The following LARS1 variants were observed in gnomAD, a reference collection of about 807,000 sequenced individuals.
LARS1 encodes leucyl-tRNA synthetase 1.
Under a neutral mutation model 162.8 loss-of-function variants are expected in LARS1, and 100 were observed. That is an observed-to-expected ratio of 0.61 (90% CI 0.52 to 0.73). The LOEUF is 0.73. LARS1 is among the 30% of genes least tolerant of loss of function. LARS1 has a pLI of 0.00. For missense variants in LARS1, 1,258 were observed against 1,408.9 expected (o/e 0.89, Z 1.71); for synonymous variants, 457 against 462.8 (o/e 0.99, Z 0.16).
chr5:146,150,942 G>C (rs865962311), intron 14 of LARS1, among the ~76,000 whole-genome samples: 8 of 134,808 alleles, frequency 5.9e-5, no homozygotes, highest in African/African-American at 2.3e-4. Context: ...CCGTCAGATA[G>C]ACACACACAC....
rs760089772 is a variant in LARS1, at chr5:146,177,675, A to C, written c.7-10T>G. On this transcript the variant is annotated splice_polypyrimidine_tract_variant and intron_variant, in intron 1 of 31. Transcript: ENST00000394434. ...CTGTTCCTTTTCTTTCCTATTGGAC[A>C]CAAAGAGAATAATCCACTCTGTATT... 1.1e-5 allele frequency: 15 copies of C among 1,423,452 alleles called. No homozygotes were observed. Among genetic ancestry groups the C allele is most frequent in the Non-Finnish European group, 9.8e-7 (1 of 1,015,420 alleles). 88.2% of individuals were successfully genotyped at this position (1,423,452 alleles called of 1,614,324 possible).
At chr5:146,142,273 T>A (rs1469012477) in intron 20 of LARS1, among the ~76,000 whole-genome samples, 1 of 140,458 alleles carries the variant, frequency 7.1e-6, no homozygotes, top group Non-Finnish European at 1.6e-5. Context: ...GGACTCTGTC[T>A]CAAAAAAAAA....
intron 14 of LARS1, among the ~76,000 whole-genome samples, chr5:146,150,853 C>T (rs914983884): frequency 3.3e-5 from 5 of 151,328 alleles, no homozygotes; most frequent in Non-Finnish European, 5.9e-5. Flanking sequence ...GCAGGAGAAT[C>T]GCTTGAACCC....
chr5:146,151,466 C>T (rs1753286354), intron 14 of LARS1, among the ~76,000 whole-genome samples: 1 of 152,052 alleles, frequency 6.6e-6, no homozygotes, highest in Middle Eastern at 3.2e-3. Context: ...ATTTAGTAGA[C>T]ATTAATAAAT....
intron 4 of LARS1, among the ~76,000 whole-genome samples, chr5:146,169,011 A>G (rs1189085047): frequency 6.6e-6 from 1 of 152,116 alleles, no homozygotes; most frequent in African/African-American, 2.4e-5. Flanking sequence ...ACATGTATAC[A>G]CATGTAACAA....
rs1459817589 is a variant in LARS1, at chr5:146,142,988, T to C, written c.1974A>G (p.Leu658=). The change falls in exon 20 of 32, where the codon TTA becomes TTG. Residue 658 remains leucine, a synonymous_variant. Transcript: ENST00000394434. ...GATACCAGAATTCAAACTCCTGCTTTAACTGATCTAATTTTTCCTTTGCAA... is the reference window on the plus strand; with the variant it reads ...GATACCAGAATTCAAACTCCTGCTTCAACTGATCTAATTTTTCCTTTGCAA... ...TQIAKEKLDQ[L]KQEFEFWYPV... is the part of the protein sequence containing the mutation. 6.2e-7 allele frequency: 1 copy of C among 1,613,910 alleles called. No homozygotes were observed. Among genetic ancestry groups the C allele is most frequent in the East Asian group, 2.2e-5 (1 of 44,872 alleles).
Position 146,133,432 on chromosome 5 carries a change from T to C in LARS1, c.2213-351A>G, listed in dbSNP as rs562487462. Among the ~76,000 whole-genome samples the C allele has an allele frequency of 3.3e-5, 5 of 152,282 alleles. No individual in the cohort carries two copies. The South Asian group carries it at 8.3e-4, about 25-fold the overall frequency. The stretch of plus-strand genomic sequence containing the variant: ...TTTCATTGTGGTTTTCTTATCAACA[T>C]TTCAGCCTCATTTAGAGGTAGCAAA... On this transcript the variant is annotated intron_variant, in intron 22 of 31. Coordinates refer to ENST00000394434, the MANE Select transcript of LARS1 (RefSeq NM_020117.11).
chr5:146,171,862 T>C, intron 4 of LARS1, 48 bp downstream of exon 4: 2 of 1,401,296 alleles, frequency 1.4e-6, no homozygotes, highest in Non-Finnish European at 2.0e-6. Context: ...GGTATTACTA[T>C]TTGCTCCAAC....
chr5:146,121,036 G>A (rs1236433666), intron 30 of LARS1, among the ~76,000 whole-genome samples: 1 of 152,112 alleles, frequency 6.6e-6, no homozygotes, highest in Non-Finnish European at 1.5e-5. Context: ...TCTTGTGAAA[G>A]ACTTAAATAC....
In LARS1 at chr5:146,113,947, AGAT is replaced by A; in HGVS notation, c.*156_*158del. 1 of 625,596 alleles carries A rather than the reference AGAT, an allele frequency of 1.6e-6. No homozygotes were observed. The highest frequency in any genetic ancestry group is 2.8e-6 in the Non-Finnish European group (1 of 358,896). 38.8% of individuals were successfully genotyped at this position (625,596 alleles called of 1,614,324 possible). The stretch of plus-strand genomic sequence containing the variant: ...AAAATTTATTAGGTCCAGGAATCAA[AGAT>A]GACTTGATAGAATTATGAATACATG... On this transcript the variant is annotated 3_prime_UTR_variant, in exon 32 of 32. Transcript: ENST00000394434.
chr5:146,114,391 A>G (rs949249045), intron 31 of LARS1, 80 bp from the exon 32 acceptor site: 9 of 1,098,498 alleles, frequency 8.2e-6, no homozygotes, highest in Middle Eastern at 2.1e-4. Context: ...CTCACGTTTT[A>G]AATACGCTGG....
chr5:146,158,605 T>C (rs1223221870), intron 8 of LARS1, among the ~76,000 whole-genome samples: 3 of 152,210 alleles, frequency 2.0e-5, no homozygotes, highest in Non-Finnish European at 4.4e-5. Context: ...AATGAACTTC[T>C]AGGCATGGCT....
rs777771968 is a variant in LARS1 at position 146,143,565 on chromosome 5, G to GTT, written c.1739-16_1739-15insAA. 5 of 1,611,106 alleles carry GTT rather than the reference G, an allele frequency of 3.1e-6. No homozygotes were observed. The African/African-American group carries it at 6.7e-5, about 22-fold the overall frequency. ...CAGGTGAGTGCCTGAAAAATAAAAA[G>GTT]TAACGCATGAGGAACCTGAGAGACA... On this transcript the variant is annotated splice_polypyrimidine_tract_variant and intron_variant, in intron 18 of 31. Coordinates refer to ENST00000394434, the MANE Select transcript of LARS1 (RefSeq NM_020117.11).
At chr5:146,122,752 G>C (rs1751882488) in intron 29 of LARS1, among the ~76,000 whole-genome samples, 165 bp from the exon 30 acceptor site, 1 of 151,880 alleles carries the variant, frequency 6.6e-6, no homozygotes, top group South Asian at 2.1e-4. Flanking sequence ...TCTGTAATCA[G>C]TTATTTAACA....
chr5:146,182,558 T>C lies in LARS1; in HGVS notation c.-65A>G, dbSNP rs1316117635. The C allele has an allele frequency of 2.5e-5, 41 of 1,609,438 alleles. No homozygotes were observed. The highest frequency in any genetic ancestry group is 3.3e-4 in the Middle Eastern group (2 of 6,072). On this transcript the variant is annotated 5_prime_UTR_variant, in exon 1 of 32. Transcript: ENST00000394434. ...CCTGGCGACCTCCACAAAGGAGTGGTTACCTTTCCCCTCCCTCTCGGGGAT... is the reference window on the plus strand; with the variant it reads ...CCTGGCGACCTCCACAAAGGAGTGGCTACCTTTCCCCTCCCTCTCGGGGAT...
At position 146,114,261 on chromosome 5, in the gene LARS1, G is replaced by A. The variant is rs754575541; in HGVS notation, c.3376C>T (p.Arg1126Ter). Reference sequence around the variant, plus strand: ...TCCTTTCCCAGGACAGGAACTCGTCGAGGCCCCAACAGTGGATCATCAAAT... The same window carrying A: ...TCCTTTCCCAGGACAGGAACTCGTCAAGGCCCCAACAGTGGATCATCAAAT... Reference protein sequence around the residue: ...MRFDDPLLGPRRVPVLGKEYT... With the variant: ...MRFDDPLLGP The change falls in exon 32 of 32, where the codon CGA becomes TGA. Residue 1126 changes from arginine to a stop codon, truncating the protein, a stop_gained. Transcript: ENST00000394434. LOFTEE classifies it high-confidence loss of function. 4 of 1,613,612 alleles carry A rather than the reference G, an allele frequency of 2.5e-6. No individual in the cohort carries two copies. Among genetic ancestry groups the A allele is most frequent in the East Asian group, 2.2e-5 (1 of 44,878 alleles).
At chr5:146,154,030 A>G (rs1753413618) in intron 10 of LARS1, 50 bp from the exon 11 acceptor site, 1 of 1,274,204 alleles carries the variant, frequency 7.8e-7, no homozygotes, top group African/African-American at 1.5e-5. Context: ...CATTGTGACC[A>G]TTAGAATTAA....
chr5:146,113,968 A>C lies in LARS1; in HGVS notation c.*138T>G. On this transcript the variant is annotated 3_prime_UTR_variant, in exon 32 of 32. Transcript: ENST00000394434. ...TCAAAGATGACTTGATAGAATTATG[A>C]ATACATGCAGAATTGGATGGTTAGA... 1.5e-6 allele frequency: 1 copy of C among 689,572 alleles called. No individual in the cohort carries two copies. The highest frequency in any genetic ancestry group is 2.5e-6 in the Non-Finnish European group (1 of 398,124). 42.7% of individuals were successfully genotyped at this position (689,572 alleles called of 1,614,324 possible).
chr5:146,116,374 T>A (rs1764210435), intron 31 of LARS1, among the ~76,000 whole-genome samples: 4 of 152,146 alleles, frequency 2.6e-5, no homozygotes, highest in South Asian at 2.1e-4. Flanking sequence ...ACACACACAC[T>A]CTTTCTCTCT....
Sources: allele counts gnomAD v4.1 joint callset (sites outside exome capture counted in the v4.1 genomes callset), GRCh38; gene constraint gnomAD v4.1.1; transcripts MANE v1.5; gene names NCBI Gene and HGNC (gene_info 2026-07-23, HGNC 2026-07-21).